BRINP1: variants seen among roughly 807,000 people sequenced by gnomAD.
The protein encoded by BRINP1 is BMP/retinoic acid inducible neural specific 1, also known as BMP/retinoic acid-inducible neural-specific protein 1.
BRINP1 carries 17 observed loss-of-function variants against 72.9 expected under a neutral mutation model. That is an observed-to-expected ratio of 0.23 (90% CI 0.16 to 0.35). The LOEUF is 0.35. Ranked by LOEUF, BRINP1 falls within the 10% of genes least tolerant of loss-of-function variation. The probability of loss-of-function intolerance (pLI) is 1.00; values close to 1 mark genes in which losing one functional copy is unlikely to be tolerated. For synonymous variants in BRINP1, 418 were observed against 378.5 expected (o/e 1.10, Z -1.21); for missense variants, 850 against 1,001.6 (o/e 0.85, Z 2.04).
chr9:119,349,044 A>G (rs1831476915), intron 1 of BRINP1, among the ~76,000 whole-genome samples: 1 of 152,164 alleles, frequency 6.6e-6, no homozygotes, highest in East Asian at 1.9e-4. Context: ...AGGTTGAAAC[A>G]TGGCAAAGAA....
At chr9:119,277,509 A>G (rs990388068) in intron 2 of BRINP1, among the ~76,000 whole-genome samples, 2 of 152,168 alleles carry the variant, frequency 1.3e-5, no homozygotes, top group African/African-American at 2.4e-5. Flanking sequence ...GGGAGGGTGA[A>G]CATCATTAAT....
intron 2 of BRINP1, among the ~76,000 whole-genome samples, chr9:119,279,552 CAT>C (rs1235090512): frequency 5.3e-5 from 8 of 152,242 alleles, no homozygotes; most frequent in Admixed American, 4.6e-4. Flanking sequence ...GCTTCAAACA[CAT>C]GTCTCAAATG....
chr9:119,304,108 G>A (rs1240035205), intron 2 of BRINP1, among the ~76,000 whole-genome samples: 1 of 151,968 alleles, frequency 6.6e-6, no homozygotes, highest in Non-Finnish European at 1.5e-5. Context: ...TCAAACTCCT[G>A]ACCTCAAGTG....
chr9:119,331,401 G>A (rs193234996), intron 1 of BRINP1, among the ~76,000 whole-genome samples: 3 of 152,292 alleles, frequency 2.0e-5, no homozygotes, highest in African/African-American at 7.2e-5. Flanking sequence ...TTTGGGTTTT[G>A]GATTTTTCTT....
At chr9:119,361,468 G>A (rs1831627762) in intron 1 of BRINP1, among the ~76,000 whole-genome samples, 1 of 152,114 alleles carries the variant, frequency 6.6e-6, no homozygotes, top group Non-Finnish European at 1.5e-5. Context: ...CAGCCACACT[G>A]TCTCGAAACA....
intron 1 of BRINP1, among the ~76,000 whole-genome samples, chr9:119,358,126 A>G (rs1440082446): frequency 3.6e-4 from 55 of 152,228 alleles, no homozygotes; most frequent in Admixed American, 3.5e-3. Context: ...TAAATGAGAT[A>G]TAACATGTGA....
chr9:119,261,078 T>A (rs1830490429), intron 2 of BRINP1, among the ~76,000 whole-genome samples: 1 of 152,196 alleles, frequency 6.6e-6, no homozygotes, highest in South Asian at 2.1e-4. Context: ...CCTTGCTGAC[T>A]GTCAGAACTG....
In BRINP1 at chr9:119,349,576, T is replaced by C. The variant is rs888899136; in HGVS notation, c.-51+19480A>G. Among the ~76,000 whole-genome samples the C allele has an allele frequency of 2.6e-5, 4 of 152,192 alleles. No individual in the cohort carries two copies. In the South Asian group the frequency reaches 8.3e-4, roughly 32 times the overall value. ...ACGGTTAAAAGCCGTCTCAGTTAAA[T>C]AGAACTGGGAACCCGGGGTTGGCCT... is the stretch of plus-strand genomic sequence containing the variant. On this transcript the variant is annotated intron_variant, in intron 1 of 7. Coordinates refer to ENST00000265922, the MANE Select transcript of BRINP1 (RefSeq NM_014618.3).
At chr9:119,222,059 A>C (rs1158368480) in intron 5 of BRINP1, among the ~76,000 whole-genome samples, 4 of 152,144 alleles carry the variant, frequency 2.6e-5, no homozygotes, top group Non-Finnish European at 5.9e-5. Flanking sequence ...TGGCCAATGA[A>C]ATATGAGTGC....
intron 4 of BRINP1, 118 bp downstream of exon 4, chr9:119,241,929 T>G: frequency 9.2e-7 from 1 of 1,088,364 alleles, no homozygotes; most frequent in African/African-American, 1.6e-5. Flanking sequence ...GCAGAGGGCA[T>G]CACGAGCTAC....
intron 1 of BRINP1, among the ~76,000 whole-genome samples, chr9:119,321,107 A>G (rs1002860210): frequency 6.6e-6 from 1 of 151,984 alleles, no homozygotes; most frequent in Non-Finnish European, 1.5e-5. Flanking sequence ...ATTTTTTGGT[A>G]CTTTTAGTAG....
At chr9:119,325,163 A>G (rs1831227320) in intron 1 of BRINP1, among the ~76,000 whole-genome samples, 1 of 152,132 alleles carries the variant, frequency 6.6e-6, no homozygotes, top group African/African-American at 2.4e-5. Context: ...AGGAGAGAGG[A>G]AAAAAGAAAA....
At chr9:119,352,402 A>T (rs557494253) in intron 1 of BRINP1, among the ~76,000 whole-genome samples, 1 of 152,068 alleles carries the variant, frequency 6.6e-6, no homozygotes, top group Admixed American at 6.6e-5. Context: ...CTCTCATTTC[A>T]TTTCATGATT....
At chr9:119,338,810 A>G (rs150508075) in intron 1 of BRINP1, among the ~76,000 whole-genome samples, 3,272 of 150,604 alleles carry the variant, frequency 0.022, 137 homozygotes, top group African/African-American at 0.076. Context: ...GTGCGAACCC[A>G]GGAGGCGGAG....
intron 2 of BRINP1, among the ~76,000 whole-genome samples, chr9:119,286,815 C>G (rs2118968381): frequency 6.6e-6 from 1 of 152,276 alleles, no homozygotes; most frequent in South Asian, 2.1e-4. Context: ...TACCCTTGTG[C>G]CTGTCATTAA....
intron 2 of BRINP1, among the ~76,000 whole-genome samples, chr9:119,307,649 T>A (rs1182309520): frequency 6.6e-6 from 1 of 152,186 alleles, no homozygotes. Context: ...TCCCTTTTAG[T>A]GTGCTCTGAC....
intron 1 of BRINP1, among the ~76,000 whole-genome samples, chr9:119,325,880 C>T (rs944921541): frequency 6.6e-6 from 1 of 152,166 alleles, no homozygotes; most frequent in Non-Finnish European, 1.5e-5. Context: ...AGATTCTCTC[C>T]CCAATTGCAC....
intron 5 of BRINP1, among the ~76,000 whole-genome samples, chr9:119,220,989 C>T (rs1830035262): frequency 1.3e-5 from 2 of 152,100 alleles, no homozygotes; most frequent in Admixed American, 6.5e-5. Flanking sequence ...ATTCTATATC[C>T]TAATTACCTA....
chr9:119,272,114 T>G (rs1349953547), intron 2 of BRINP1, among the ~76,000 whole-genome samples: 2 of 146,422 alleles, frequency 1.4e-5, no homozygotes, highest in African/African-American at 2.5e-5. Flanking sequence ...AAAAACAGCC[T>G]GTCACTCAGG....
Sources: allele counts gnomAD v4.1 joint callset (sites outside exome capture counted in the v4.1 genomes callset), GRCh38; gene constraint gnomAD v4.1.1; transcripts MANE v1.5; gene names NCBI Gene and HGNC (gene_info 2026-07-23, HGNC 2026-07-21).